Variants in CSMD1 observed in about 807,000 individuals in gnomAD.
CSMD1 encodes the protein CUB and Sushi multiple domains 1, also known as CUB and sushi domain-containing protein 1.
In CSMD1, 213 loss-of-function variants were observed where a neutral mutation model predicts 417.5. The observed-to-expected ratio is 0.51, with a 90% confidence interval of 0.46 to 0.57. The LOEUF is 0.57. Among genes scored for constraint, CSMD1 ranks in the 20% least tolerant of loss-of-function variants. CSMD1 has a pLI of 0.00. For missense variants in CSMD1, 6,923 were observed against 4,529.7 expected (o/e 1.53, Z -15.17); for synonymous variants, 2,862 against 1,736.8 (o/e 1.65, Z -16.11).
chr8:4,965,905 T>A (rs80229469), intron 1 of CSMD1, among the ~76,000 whole-genome samples: 6,572 of 152,182 alleles, frequency 0.043, 184 homozygotes, highest in Non-Finnish European at 0.065. Context: ...AAAGATAACT[T>A]GAAGCAGGAT....
intron 1 of CSMD1, among the ~76,000 whole-genome samples, chr8:4,714,978 T>C (rs1350886504): frequency 6.6e-6 from 1 of 152,204 alleles, no homozygotes; most frequent in Non-Finnish European, 1.5e-5. Context: ...AGACTGTATT[T>C]CCCTTTATGC....
At chr8:3,078,752 A>G (rs1203786848) in intron 49 of CSMD1, among the ~76,000 whole-genome samples, 1 of 152,174 alleles carries the variant, frequency 6.6e-6, no homozygotes, top group Non-Finnish European at 1.5e-5. Flanking sequence ...ACCATGAACA[A>G]GAAGGGAAGT....
Position 4,404,200 on chromosome 8 carries a change from A to T in CSMD1, c.415+15753T>A, listed in dbSNP as rs189398362. The stretch of plus-strand genomic sequence containing the variant: ...ATTGAAACTCAACCTATAGCCTGAC[A>T]ATCCGTATGCCACTTCCCTACTATT... On this transcript the variant is annotated intron_variant, in intron 3 of 69. Transcript: ENST00000635120. Among the ~76,000 whole-genome samples the T allele has an allele frequency of 3.7e-3, 559 of 152,244 alleles. 3 individuals are homozygous for T. Among genetic ancestry groups the T allele is most frequent in the African/African-American group, 0.011 (443 of 41,548 alleles).
At chr8:4,027,363 G>A (rs908296864) in intron 4 of CSMD1, among the ~76,000 whole-genome samples, 4 of 152,144 alleles carry the variant, frequency 2.6e-5, no homozygotes, top group Admixed American at 6.5e-5. Flanking sequence ...ACCTTGAATT[G>A]TAACCTAAAT....
At chr8:4,191,514 G>A (rs923169977) in intron 3 of CSMD1, among the ~76,000 whole-genome samples, 1 of 152,188 alleles carries the variant, frequency 6.6e-6, no homozygotes, top group South Asian at 2.1e-4. Context: ...CTGGTGAAGT[G>A]GAGGTCACTA....
At chr8:3,512,832 T>C (rs1156679425) in intron 10 of CSMD1, among the ~76,000 whole-genome samples, 1 of 151,888 alleles carries the variant, frequency 6.6e-6, no homozygotes, top group East Asian at 1.9e-4. Context: ...TCTTGATCTC[T>C]TCATCCGCCC....
At chr8:4,030,661 G>A (rs1754631443) in intron 4 of CSMD1, among the ~76,000 whole-genome samples, 1 of 152,308 alleles carries the variant, frequency 6.6e-6, no homozygotes, top group Non-Finnish European at 1.5e-5. Context: ...TGGTCTTGGG[G>A]ATTAACTTTT....
rs570615763 is a variant in CSMD1 at position 4,170,163 on chromosome 8, A to T, written c.416-138064T>A. Among the ~76,000 whole-genome samples, 13 of 151,916 alleles carry T rather than the reference A, an allele frequency of 8.6e-5. 1 individual carries two copies. The South Asian group carries it at 2.5e-3, about 29-fold the overall frequency. ...AAAAGTTACCCAAACCTCCTTGTTG[A>T]TAAGAGTGAAGGACCTTTCACAGTC... is the stretch of plus-strand genomic sequence containing the variant. On this transcript the variant is annotated intron_variant, in intron 3 of 69. Coordinates refer to ENST00000635120, the MANE Select transcript of CSMD1 (RefSeq NM_033225.6).
intron 2 of CSMD1, among the ~76,000 whole-genome samples, chr8:4,467,345 G>A (rs917246557): frequency 1.3e-5 from 2 of 152,076 alleles, no homozygotes; most frequent in African/African-American, 4.8e-5. Context: ...TACTGAATGT[G>A]TAATTCCTGC....
At chr8:3,574,849 A>G in intron 10 of CSMD1, 96 bp downstream of exon 10, 1 of 1,379,868 alleles carries the variant, frequency 7.2e-7, no homozygotes, top group Non-Finnish European at 9.9e-7. Context: ...AGTAAAGTGT[A>G]AGCACGGATA....
intron 26 of CSMD1, among the ~76,000 whole-genome samples, chr8:3,247,595 C>T (rs570005197): frequency 2.0e-5 from 3 of 152,324 alleles, no homozygotes; most frequent in East Asian, 1.9e-4. Context: ...TTCTCCCTTC[C>T]CTGTGGGGAG....
intron 2 of CSMD1, among the ~76,000 whole-genome samples, chr8:4,434,022 A>G (rs754210312): frequency 2.0e-4 from 31 of 152,124 alleles, no homozygotes; most frequent in Non-Finnish European, 3.7e-4. Context: ...CTTTTCAAAG[A>G]TATGACAAGG....
chr8:4,071,804 T>C (rs1054664046), intron 3 of CSMD1, among the ~76,000 whole-genome samples: 1 of 152,188 alleles, frequency 6.6e-6, no homozygotes, highest in Non-Finnish European at 1.5e-5. Flanking sequence ...GTTAGTTGCA[T>C]TCAAATGAAA....
intron 3 of CSMD1, among the ~76,000 whole-genome samples, chr8:4,320,782 C>A (rs1181460238): frequency 6.6e-6 from 1 of 152,062 alleles, no homozygotes; most frequent in Non-Finnish European, 1.5e-5. Flanking sequence ...ATTGGTGATT[C>A]CTCAAGGATC....
intron 1 of CSMD1, among the ~76,000 whole-genome samples, chr8:4,693,358 GA>G (rs1161910987): frequency 6.6e-6 from 1 of 152,214 alleles, no homozygotes; most frequent in Non-Finnish European, 1.5e-5. Flanking sequence ...CATCTTATGT[GA>G]GTAGAGTGGA....
intron 23 of CSMD1, among the ~76,000 whole-genome samples, chr8:3,318,637 G>C (rs894577094): frequency 6.6e-6 from 1 of 152,148 alleles, no homozygotes; most frequent in African/African-American, 2.4e-5. Context: ...TTGCCCTTTG[G>C]GACTCAGAGT....
intron 52 of CSMD1, among the ~76,000 whole-genome samples, chr8:3,017,682 A>T (rs2128967822): frequency 6.6e-6 from 1 of 152,150 alleles, no homozygotes; most frequent in East Asian, 1.9e-4. Flanking sequence ...AAATTCTCCC[A>T]AATGAAAAGA....
At chr8:3,089,653 C>G (rs1469506451) in intron 48 of CSMD1, among the ~76,000 whole-genome samples, 2 of 152,208 alleles carry the variant, frequency 1.3e-5, no homozygotes, top group Middle Eastern at 3.4e-3. Context: ...GCTGACCTAG[C>G]AGAGATCACT....
chr8:4,422,227 T>A (rs1431567515), intron 2 of CSMD1, among the ~76,000 whole-genome samples: 1 of 152,078 alleles, frequency 6.6e-6, no homozygotes, highest in East Asian at 1.9e-4. Context: ...GAATTAACAC[T>A]AATTCTACAC....
Sources: allele counts gnomAD v4.1 joint callset (sites outside exome capture counted in the v4.1 genomes callset), GRCh38; gene constraint gnomAD v4.1.1; transcripts MANE v1.5; gene names NCBI Gene and HGNC (gene_info 2026-07-23, HGNC 2026-07-21).